CCDC171: variants seen among roughly 807,000 people sequenced by gnomAD.
CCDC171 encodes coiled-coil domain containing 171.
In CCDC171, 177 loss-of-function variants were observed where a neutral mutation model predicts 168.2. That is an observed-to-expected ratio of 1.05 (90% CI 0.93 to 1.19). CCDC171 has a LOEUF of 1.19. Ranked by LOEUF, CCDC171 falls within the 50% of genes most tolerant of loss-of-function variation. The pLI is 0.00. For synonymous variants in CCDC171, 687 were observed against 540.8 expected, an observed-to-expected ratio of 1.27 and a Z score of -3.75; for missense variants, 1,991 against 1,539.0, an observed-to-expected ratio of 1.29 and a Z score of -4.91.
chr9:15,644,739 G>A (rs1192117692), intron 7 of CCDC171, among the ~76,000 whole-genome samples: 1 of 152,228 alleles, frequency 6.6e-6, no homozygotes, highest in African/African-American at 2.4e-5. Flanking sequence ...AAACAAAGTG[G>A]CAGGGAAGCT....
intron 11 of CCDC171, among the ~76,000 whole-genome samples, chr9:15,699,094 A>G (rs569032142): frequency 6.6e-6 from 1 of 151,952 alleles, no homozygotes; most frequent in African/African-American, 2.4e-5. Context: ...GAGCGTTAAC[A>G]GTTCTTGAAG....
chr9:15,970,773 T>G (rs1831272395), intron 25 of CCDC171, among the ~76,000 whole-genome samples: 1 of 152,216 alleles, frequency 6.6e-6, no homozygotes, highest in Non-Finnish European at 1.5e-5. Context: ...ACATGTGATT[T>G]CTAAATACTT....
At chr9:15,557,674 C>T (rs1220617572) in intron 1 of CCDC171, among the ~76,000 whole-genome samples, 2 of 152,230 alleles carry the variant, frequency 1.3e-5, no homozygotes, top group South Asian at 4.2e-4. Context: ...ACAATCATGT[C>T]ACCTGCAAAC....
intron 20 of CCDC171, among the ~76,000 whole-genome samples, chr9:15,779,694 T>C (rs573228113): frequency 1.3e-5 from 2 of 152,318 alleles, no homozygotes; most frequent in Non-Finnish European, 2.9e-5. Flanking sequence ...TTGAGTAAAT[T>C]AGATTATGTA....
At chr9:15,965,180 A>T (rs1385213851) in intron 25 of CCDC171, among the ~76,000 whole-genome samples, 1 of 152,204 alleles carries the variant, frequency 6.6e-6, no homozygotes, top group African/African-American at 2.4e-5. Flanking sequence ...GTTCCATGAG[A>T]TCTATGTATT....
At chr9:15,636,045 T>A (rs1449690559) in intron 7 of CCDC171, among the ~76,000 whole-genome samples, 1 of 152,204 alleles carries the variant, frequency 6.6e-6, no homozygotes, top group African/African-American at 2.4e-5. Flanking sequence ...ATTGATGATG[T>A]TGAATATCAT....
At chr9:15,987,356 T>A (rs6474988) in intron 3 of CCDC171, among the ~76,000 whole-genome samples, 74,958 of 151,636 alleles carry the variant, frequency 0.49, 19,873 homozygotes, top group African/African-American at 0.7. Flanking sequence ...TCATCCATAT[T>A]CCAAACCCTC....
At chr9:15,932,426 A>T (rs990254619) in intron 25 of CCDC171, among the ~76,000 whole-genome samples, 4 of 151,868 alleles carry the variant, frequency 2.6e-5, no homozygotes, top group Non-Finnish European at 5.9e-5. Context: ...CTATTTGAAT[A>T]TTAAAATGCT....
intron 10 of CCDC171, among the ~76,000 whole-genome samples, chr9:15,684,938 T>C (rs73644691): frequency 0.029 from 4,454 of 152,286 alleles, 213 homozygotes; most frequent in African/African-American, 0.1. Flanking sequence ...GTGGGTCATG[T>C]TGGGTGATGA....
intron 16 of CCDC171, among the ~76,000 whole-genome samples, chr9:15,741,316 G>A (rs970279847): frequency 1.3e-5 from 2 of 152,106 alleles, no homozygotes; most frequent in African/African-American, 4.8e-5. Context: ...AGCCTCTGGT[G>A]ACCAAAAATG....
chr9:15,685,590 ACAC>A (rs1483811011), intron 10 of CCDC171, among the ~76,000 whole-genome samples: 1 of 152,142 alleles, frequency 6.6e-6, no homozygotes, highest in Non-Finnish European at 1.5e-5. Flanking sequence ...AGCCATGATT[ACAC>A]CAGTGCATGC....
the CCDC171 span, among the ~76,000 whole-genome samples, chr9:16,087,557 CTTTTTTTTT>C: frequency 1.3e-5 from 1 of 78,800 alleles, no homozygotes; most frequent in African/African-American, 5.5e-5. Context: ...GCAACTCCTG[CTTTTTTTTT>C]TTTTTTTTTT....
At chr9:16,031,656 C>G (rs990870615) in intron 6 of CCDC171, among the ~76,000 whole-genome samples, 1 of 152,164 alleles carries the variant, frequency 6.6e-6, no homozygotes, top group East Asian at 1.9e-4. Flanking sequence ...CTTATGGGCC[C>G]CCTGAGGACA....
chr9:15,985,415 C>T (rs2132884654), intron 3 of CCDC171, among the ~76,000 whole-genome samples: 1 of 152,338 alleles, frequency 6.6e-6, no homozygotes, highest in South Asian at 2.1e-4. Context: ...AGTATCATCA[C>T]TGTTAACAGG....
At chr9:15,694,028 C>T (rs1056924499) in intron 10 of CCDC171, among the ~76,000 whole-genome samples, 3 of 152,154 alleles carry the variant, frequency 2.0e-5, no homozygotes, top group Non-Finnish European at 4.4e-5. Flanking sequence ...GACTTCCAAA[C>T]CCAGGAGACA....
At chr9:16,016,028 T>C (rs569935342) in intron 3 of CCDC171, among the ~76,000 whole-genome samples, 1 of 152,362 alleles carries the variant, frequency 6.6e-6, no homozygotes, top group Non-Finnish European at 1.5e-5. Context: ...TTGATGGACA[T>C]TTAAGTTGCT....
intron 1 of CCDC171, among the ~76,000 whole-genome samples, chr9:15,560,939 C>T (rs891622979): frequency 6.6e-6 from 1 of 152,132 alleles, no homozygotes; most frequent in Non-Finnish European, 1.5e-5. Context: ...CGTTTTCCTT[C>T]TAACAGTCAG....
intron 25 of CCDC171, among the ~76,000 whole-genome samples, chr9:15,969,092 A>G (rs1831095254): frequency 6.6e-6 from 1 of 152,198 alleles, no homozygotes; most frequent in Non-Finnish European, 1.5e-5. Flanking sequence ...TTAGGACATA[A>G]CGTCAGAAAA....
intron 23 of CCDC171, among the ~76,000 whole-genome samples, chr9:15,870,767 C>A (rs1258208432): frequency 6.7e-6 from 1 of 148,884 alleles, no homozygotes; most frequent in East Asian, 2.0e-4. Context: ...AATTTAATTT[C>A]ATAGTTGATA....
Sources: allele counts gnomAD v4.1 joint callset (sites outside exome capture counted in the v4.1 genomes callset), GRCh38; gene constraint gnomAD v4.1.1; transcripts MANE v1.5; gene names NCBI Gene and HGNC (gene_info 2026-07-23, HGNC 2026-07-21).